Variants in NEGR1 observed in about 807,000 individuals in gnomAD.
The protein encoded by NEGR1 is IgLON family member 4.
NEGR1 carries 10 observed loss-of-function variants against 40.9 expected under a neutral mutation model. The observed-to-expected ratio is 0.24, with a 90% CI of 0.15 to 0.42. The LOEUF is 0.42. Among genes scored for constraint, NEGR1 ranks in the 10% least tolerant of loss-of-function variants. The pLI is 1.00. For synonymous variants in NEGR1, 185 were observed against 166.8 expected (o/e 1.11, Z -0.84); for missense variants, 352 against 438.9 (o/e 0.80, Z 1.77).
intron 1 of NEGR1, among the ~76,000 whole-genome samples, chr1:72,097,703 C>T (rs539135661): frequency 5.6e-4 from 86 of 152,240 alleles, no homozygotes; most frequent in African/African-American, 2.0e-3. Context: ...TCAGAGAAAA[C>T]CAGGGAAATC....
intron 4 of NEGR1, among the ~76,000 whole-genome samples, chr1:71,632,846 T>A (rs1003043616): frequency 5.9e-5 from 9 of 152,008 alleles, no homozygotes; most frequent in Non-Finnish European, 1.3e-4. Flanking sequence ...TGTTAACTTA[T>A]GGGAAAGCAT....
intron 1 of NEGR1, among the ~76,000 whole-genome samples, chr1:72,095,698 C>T (rs1648671202): frequency 6.6e-6 from 1 of 151,966 alleles, no homozygotes; most frequent in South Asian, 2.1e-4. Flanking sequence ...ATGTAATTCT[C>T]TATTATTTCA....
intron 3 of NEGR1, among the ~76,000 whole-genome samples, chr1:71,737,879 G>A (rs976051827): frequency 1.5e-4 from 23 of 152,104 alleles, no homozygotes; most frequent in Non-Finnish European, 4.4e-5. Flanking sequence ...GGATCTCTCT[G>A]GCTCAGGTTT....
chr1:71,824,277 T>C (rs1356491184), intron 2 of NEGR1, among the ~76,000 whole-genome samples: 2 of 151,728 alleles, frequency 1.3e-5, no homozygotes, highest in African/African-American at 4.8e-5. Context: ...TCTCAAACAC[T>C]TTTTTTATTG....
At chr1:72,275,943 T>G (rs1190568115) in intron 1 of NEGR1, among the ~76,000 whole-genome samples, 1 of 151,660 alleles carries the variant, frequency 6.6e-6, no homozygotes, top group Admixed American at 6.6e-5. Flanking sequence ...AAAATAAAAA[T>G]AAATTAGCCA....
chr1:71,588,054 GC>G (rs1421328322), intron 6 of NEGR1, among the ~76,000 whole-genome samples: 1 of 152,036 alleles, frequency 6.6e-6, no homozygotes, highest in African/African-American at 2.4e-5. Flanking sequence ...GAGAAACAAA[GC>G]GTGTACAACA....
At chr1:71,430,470 GGT>G in intron 6 of NEGR1, among the ~76,000 whole-genome samples, 1 of 151,760 alleles carries the variant, frequency 6.6e-6, no homozygotes, top group Non-Finnish European at 1.5e-5. Flanking sequence ...ATTTTTTAAT[GGT>G]ATTGAATTAG....
In NEGR1 at chr1:71,447,408, T is replaced by A. The variant is rs188922827; in HGVS notation, c.941-39838A>T. Reference sequence around the variant, plus strand: ...CATTTTCCAGATCAAAATATTCCAGTGTCTTAGGATATAATTCAAGCCTCT... The same window carrying A: ...CATTTTCCAGATCAAAATATTCCAGAGTCTTAGGATATAATTCAAGCCTCT... On this transcript the variant is annotated intron_variant, in intron 6 of 6. Transcript: ENST00000357731. Among the ~76,000 whole-genome samples, 6 of 152,280 alleles carry A rather than the reference T, an allele frequency of 3.9e-5. No individual in the cohort carries two copies. In the East Asian group the frequency reaches 1.2e-3, roughly 29 times the overall value.
chr1:72,028,538 C>T (rs1646831261), intron 1 of NEGR1, among the ~76,000 whole-genome samples: 1 of 152,166 alleles, frequency 6.6e-6, no homozygotes, highest in Non-Finnish European at 1.5e-5. Flanking sequence ...CCCTACCTAC[C>T]TCTGCTCACT....
intron 3 of NEGR1, among the ~76,000 whole-genome samples, chr1:71,772,524 A>T (rs1357027681): frequency 6.6e-6 from 1 of 152,220 alleles, no homozygotes; most frequent in African/African-American, 2.4e-5. Context: ...CATGCAATAC[A>T]GAGTTCTGGA....
chr1:71,702,595 CTAAATATTACATATTTT>C (rs1271080886), intron 3 of NEGR1, among the ~76,000 whole-genome samples: 1 of 151,816 alleles, frequency 6.6e-6, no homozygotes, highest in African/African-American at 2.4e-5. Flanking sequence ...AATCACATTT[CTAAATATTACATATTTT>C]TAAATATTAC....
intron 2 of NEGR1, among the ~76,000 whole-genome samples, chr1:71,900,100 A>G (rs1237606359): frequency 1.3e-5 from 2 of 152,190 alleles, no homozygotes; most frequent in African/African-American, 4.8e-5. Context: ...TATACCACTG[A>G]GTGGGAAACC....
At chr1:71,450,085 G>A (rs1646615047) in intron 6 of NEGR1, among the ~76,000 whole-genome samples, 1 of 151,572 alleles carries the variant, frequency 6.6e-6, no homozygotes. Flanking sequence ...CCACCTCCTG[G>A]GTTCAAGCGA....
chr1:71,987,296 C>A (rs1490660389), intron 1 of NEGR1, among the ~76,000 whole-genome samples: 1 of 152,150 alleles, frequency 6.6e-6, no homozygotes, highest in African/African-American at 2.4e-5. Context: ...TCGAGGGTTT[C>A]AATCAAGGCC....
At chr1:71,475,461 A>G (rs970639318) in intron 6 of NEGR1, among the ~76,000 whole-genome samples, 2 of 152,120 alleles carry the variant, frequency 1.3e-5, no homozygotes, top group African/African-American at 4.8e-5. Flanking sequence ...ATAATAAAAC[A>G]TACTTGATAT....
chr1:72,040,604 A>C (rs1192582105), intron 1 of NEGR1, among the ~76,000 whole-genome samples: 1 of 149,690 alleles, frequency 6.7e-6, no homozygotes. Context: ...AAAAAAAAAA[A>C]AAAAAAATCA....
intron 1 of NEGR1, among the ~76,000 whole-genome samples, chr1:72,184,335 A>C (rs2100418288): frequency 6.6e-6 from 1 of 152,240 alleles, no homozygotes; most frequent in African/African-American, 2.4e-5. Context: ...ATTTGCAAGT[A>C]GGCAGCAGAA....
chr1:71,817,145 G>A (rs1285567012), intron 2 of NEGR1, among the ~76,000 whole-genome samples: 1 of 152,026 alleles, frequency 6.6e-6, no homozygotes, highest in Non-Finnish European at 1.5e-5. Flanking sequence ...AATGGCTTCT[G>A]TGTAGACATG....
At chr1:71,608,833 AT>A (rs1297350120) in intron 5 of NEGR1, among the ~76,000 whole-genome samples, 1 of 152,196 alleles carries the variant, frequency 6.6e-6, no homozygotes, top group Non-Finnish European at 1.5e-5. Flanking sequence ...TGCTGTGTTC[AT>A]AAATATTACT....
Sources: allele counts gnomAD v4.1 joint callset (sites outside exome capture counted in the v4.1 genomes callset), GRCh38; gene constraint gnomAD v4.1.1; transcripts MANE v1.5; gene names NCBI Gene and HGNC (gene_info 2026-07-23, HGNC 2026-07-21).